LRIG2: variants seen among roughly 807,000 people sequenced by gnomAD.
LRIG2 encodes the protein leucine rich repeats and immunoglobulin like domains 2.
Under a neutral mutation model 107.8 loss-of-function variants are expected in LRIG2, and 93 were observed. The observed-to-expected ratio is 0.86, with a 90% CI of 0.73 to 1.03. The LOEUF is 1.03. Among genes scored for constraint, LRIG2 ranks in the 50% least tolerant of loss-of-function variants. The pLI, the probability that LRIG2 is intolerant of heterozygous loss-of-function variation, is 0.00. For missense variants in LRIG2, 1,226 were observed against 1,296.0 expected (o/e 0.95, Z 0.83); for synonymous variants, 471 against 470.6 (o/e 1.00, Z -0.01).
chr1:113,109,152 G>A (rs187370392), intron 12 of LRIG2, among the ~76,000 whole-genome samples: 33 of 152,222 alleles, frequency 2.2e-4, no homozygotes, highest in African/African-American at 6.7e-4. Context: ...TGACATTGCC[G>A]CACATTCCCT....
At chr1:113,115,302 C>A (rs960990788) in intron 15 of LRIG2, among the ~76,000 whole-genome samples, 2 of 152,118 alleles carry the variant, frequency 1.3e-5, no homozygotes, top group Non-Finnish European at 2.9e-5. Flanking sequence ...GCAGCGTTGA[C>A]TTCCCAGGCT....
In LRIG2 at chr1:113,073,229, C is replaced by T; in HGVS notation, c.-178C>T. The stretch of plus-strand genomic sequence containing the variant: ...GAGGTGTCCGTCAGGCCGTGTGTCC[C>T]AGGCCGTCGACCCCGCTGTCGCGCT... On this transcript the variant is annotated 5_prime_UTR_variant, in exon 1 of 18. Transcript: ENST00000361127. 1 of 618,722 alleles carries T rather than the reference C, an allele frequency of 1.6e-6. No individual in the cohort carries two copies. The highest frequency in any genetic ancestry group is 2.9e-6 in the Non-Finnish European group (1 of 347,798). 38.3% of individuals were successfully genotyped at this position (618,722 alleles called of 1,614,324 possible). A position where few individuals can be genotyped will look rare whatever the true frequency, so the allele number is the denominator to read the frequency against.
At chr1:113,112,879 T>G (rs1238822114) in intron 14 of LRIG2, 119 bp downstream of exon 14, 3 of 999,646 alleles carry the variant, frequency 3.0e-6, no homozygotes, top group African/African-American at 1.6e-5. Flanking sequence ...ATCTTTATCT[T>G]ATTTCACAAT....
At chr1:113,099,747 C>G (rs1654228397) in intron 9 of LRIG2, among the ~76,000 whole-genome samples, 1 of 152,158 alleles carries the variant, frequency 6.6e-6, no homozygotes, top group African/African-American at 2.4e-5. Flanking sequence ...AGTAATTTAT[C>G]TAGCAGAAGT....
intron 1 of LRIG2, among the ~76,000 whole-genome samples, chr1:113,080,836 G>GTTTTTTTTT (rs1007236694): frequency 1.2e-5 from 1 of 84,610 alleles, no homozygotes; most frequent in Non-Finnish European, 2.2e-5. Context: ...AACACTAAAA[G>GTTTTTTTTT]TTTTTTTTTT....
chr1:113,087,456 C>G (rs990916332), intron 1 of LRIG2, among the ~76,000 whole-genome samples: 9 of 152,198 alleles, frequency 5.9e-5, no homozygotes, highest in East Asian at 1.9e-4. Context: ...TCAAGCGATT[C>G]TCCTGCCTCA....
At chr1:113,105,959 G>T (rs773806245) in intron 11 of LRIG2, among the ~76,000 whole-genome samples, 40 of 152,166 alleles carry the variant, frequency 2.6e-4, no homozygotes, top group Non-Finnish European at 5.3e-4. Flanking sequence ...GCCAGGCATG[G>T]TGGCTCACGC....
intron 1 of LRIG2, among the ~76,000 whole-genome samples, chr1:113,080,835 A>AGTTTT (rs1557896155): frequency 5.8e-5 from 8 of 137,378 alleles, no homozygotes; most frequent in African/African-American, 2.3e-4. Flanking sequence ...GAACACTAAA[A>AGTTTT]GTTTTTTTTT....
In LRIG2 at chr1:113,096,366, G is replaced by A. The variant is rs377413842; in HGVS notation, c.1091+1G>A. 3 of 1,612,268 alleles carry A rather than the reference G, an allele frequency of 1.9e-6. No individual in the cohort carries two copies. Among genetic ancestry groups the A allele is most frequent in the Non-Finnish European group, 2.5e-6 (3 of 1,179,500 alleles). Reference sequence around the variant, plus strand: ...GATTTCTTTCCAATCTTCAGACATTGTAAGTATATCCATTCTCCTTTTTGG... The same window carrying A: ...GATTTCTTTCCAATCTTCAGACATTATAAGTATATCCATTCTCCTTTTTGG... On this transcript the variant is annotated splice_donor_variant, in intron 8 of 17. Transcript: ENST00000361127. LOFTEE classifies it high-confidence loss of function.
Position 113,094,659 on chromosome 1 carries a change from A to G in LRIG2, c.707A>G (p.Gln236Arg). 2 of 1,613,982 alleles carry G rather than the reference A, an allele frequency of 1.2e-6. No individual in the cohort carries two copies. The highest frequency in any genetic ancestry group is 3.3e-4 in the Middle Eastern group (2 of 6,058). Residue 236 changes from glutamine (Q) to arginine (R), a missense_variant, in exon 6 of 18, where the codon CAA (glutamine) becomes CGA (arginine). This residue lies in a region of LRIG2 where 570 missense variants were observed against 550.2 expected (regional missense o/e 1.04). Transcript: ENST00000361127. The part of the protein sequence containing the change: ...RIKIVEGLTF[Q>R]GLDSLRSLKM... ...AAAATTGTGGAAGGTCTTACATTCC[A>G]AGGGCTTGACTCCTTAAGATCTTTG...
intron 1 of LRIG2, among the ~76,000 whole-genome samples, chr1:113,083,218 CTTT>C (rs11321902): frequency 1.7e-4 from 19 of 112,316 alleles, no homozygotes; most frequent in Non-Finnish European, 1.9e-4. Flanking sequence ...CTACTGCACA[CTTT>C]TTTTTTTTTT....
chr1:113,093,381 C>A, intron 3 of LRIG2, 49 bp from the exon 4 acceptor site: 5 of 1,601,722 alleles, frequency 3.1e-6, no homozygotes, highest in Non-Finnish European at 3.4e-6. Flanking sequence ...ATTTTTGTGG[C>A]CTGGGGTGGA....
intron 1 of LRIG2, among the ~76,000 whole-genome samples, chr1:113,075,035 T>G (rs1337335716): frequency 6.6e-6 from 1 of 151,778 alleles, no homozygotes; most frequent in African/African-American, 2.4e-5. Flanking sequence ...CTGACCAACA[T>G]GGAGAAACCC....
intron 1 of LRIG2, among the ~76,000 whole-genome samples, chr1:113,090,431 C>T (rs139660748): frequency 2.0e-5 from 3 of 152,138 alleles, no homozygotes; most frequent in African/African-American, 4.8e-5. Context: ...AATACACACA[C>T]GTAAAGTAAA....
intron 1 of LRIG2, among the ~76,000 whole-genome samples, chr1:113,077,778 C>T (rs1278909709): frequency 6.6e-6 from 1 of 151,898 alleles, no homozygotes; most frequent in African/African-American, 2.4e-5. Flanking sequence ...GGTACATGTG[C>T]ACAACTTGCA....
chr1:113,073,235 G>A lies in LRIG2; in HGVS notation c.-172G>A. 1 of 630,430 alleles carries A rather than the reference G, an allele frequency of 1.6e-6. No individual in the cohort carries two copies. Among genetic ancestry groups the A allele is most frequent in the Non-Finnish European group, 2.8e-6 (1 of 356,094 alleles). 39.1% of individuals were successfully genotyped at this position (630,430 alleles called of 1,614,324 possible). ...TCCGTCAGGCCGTGTGTCCCAGGCC[G>A]TCGACCCCGCTGTCGCGCTGCGTCT... On this transcript the variant is annotated 5_prime_UTR_variant, in exon 1 of 18. Coordinates refer to ENST00000361127, the MANE Select transcript of LRIG2 (RefSeq NM_014813.3).
intron 13 of LRIG2, among the ~76,000 whole-genome samples, chr1:113,111,473 C>T (rs544853316): frequency 1.8e-4 from 27 of 152,226 alleles, no homozygotes; most frequent in South Asian, 4.1e-4. Context: ...CCCTAGCCCC[C>T]GCTCACCCTC....
chr1:113,110,144 T>A lies in LRIG2; in HGVS notation c.1478-98T>A, dbSNP rs1654706859. 4.6e-6 allele frequency: 4 copies of A among 863,780 alleles called. No individual in the cohort carries two copies. In the South Asian group the frequency reaches 7.2e-5, roughly 16 times the overall value. The allele number at this position is 863,780 out of a possible 1,614,324, so 53.5% of individuals were successfully genotyped here. The stretch of plus-strand genomic sequence containing the variant: ...CTCTTTCAACTTTAATATGCCACTT[T>A]GTAAACAGAACACACAATTTTATAG... On this transcript the variant is annotated intron_variant, in intron 12 of 17. Coordinates refer to ENST00000361127, the MANE Select transcript of LRIG2 (RefSeq NM_014813.3).
In LRIG2 at chr1:113,124,447, C is replaced by T. The variant is rs996803544; in HGVS notation, c.*346C>T. On this transcript the variant is annotated 3_prime_UTR_variant, in exon 18 of 18. Transcript: ENST00000361127. ...TAACATGCTGGATTGCCCTAGTCTT[C>T]AGAATGGTCCTGAGAAAACATCACT... The T allele has an allele frequency of 3.3e-6, 1 of 304,126 alleles. No individual in the cohort carries two copies. Among genetic ancestry groups the T allele is most frequent in the South Asian group, 3.7e-5 (1 of 26,742 alleles). The allele number at this position is 304,126 out of a possible 1,614,324, so 18.8% of individuals were successfully genotyped here.
Sources: gnomAD v4.1 joint callset for allele counts (sites outside exome capture counted in the v4.1 genomes callset) on GRCh38, gnomAD v4.1.1 for gene constraint, gnomAD v4.1.1 regional missense constraint, MANE v1.5 for transcripts, NCBI Gene and HGNC (gene_info 2026-07-23, HGNC 2026-07-21) for gene names.